Variants in ANO5 observed in about 807,000 individuals in gnomAD.
ANO5 encodes anoctamin-5.
In ANO5, 109 loss-of-function variants were observed where a neutral mutation model predicts 121.0. That is an observed-to-expected ratio of 0.90 (90% CI 0.77 to 1.06). The LOEUF (loss-of-function observed/expected upper bound fraction) is 1.06. Ranked by LOEUF, ANO5 falls within the 50% of genes least tolerant of loss-of-function variation. ANO5 has a pLI of 0.00. For synonymous variants in ANO5, 406 were observed against 359.9 expected (o/e 1.13, Z -1.45); for missense variants, 1,064 against 1,078.5 (o/e 0.99, Z 0.19).
chr11:22,257,578 G>A (rs902950003), intron 13 of ANO5, 102 bp from the exon 14 acceptor site: 4 of 945,730 alleles, frequency 4.2e-6, no homozygotes, highest in Non-Finnish European at 5.1e-6. Flanking sequence ...GCCCTTTTGG[G>A]AGACTCCTAC....
chr11:22,237,268 TC>T (rs1477089735), intron 8 of ANO5, among the ~76,000 whole-genome samples: 1 of 152,134 alleles, frequency 6.6e-6, no homozygotes, highest in East Asian at 1.9e-4. Context: ...GCTAAATAAT[TC>T]CCCATTTTTT....
chr11:22,199,716 C>T (rs1057135019), intron 1 of ANO5, among the ~76,000 whole-genome samples: 3 of 152,030 alleles, frequency 2.0e-5, no homozygotes, highest in Non-Finnish European at 4.4e-5. Context: ...TAGGTATTCT[C>T]GTATCTGCAT....
Position 22,239,621 on chromosome 11 carries a change from C to G in ANO5, c.815C>G (p.Thr272Arg), listed in dbSNP as rs1445016238. 1.2e-6 allele frequency: 2 copies of G among 1,613,010 alleles called. No homozygotes were observed. The highest frequency in any genetic ancestry group is 2.2e-5 in the South Asian group (2 of 91,078). ...EPPNPTNERYTLHQNWARFSY... is the reference protein window; with the variant it reads ...EPPNPTNERYRLHQNWARFSY... ...CCCAATCCTACCAATGAAAGATACACACTTCACCAGAATTGGGCTCGATTT... is the reference window on the plus strand; with the variant it reads ...CCCAATCCTACCAATGAAAGATACAGACTTCACCAGAATTGGGCTCGATTT... Residue 272 changes from threonine (T) to arginine (R), a missense_variant, in exon 9 of 22, where the codon ACA becomes AGA. Transcript: ENST00000324559.
At chr11:22,272,711 C>A in intron 18 of ANO5, 73 bp from the exon 19 acceptor site, 3 of 1,383,084 alleles carry the variant, frequency 2.2e-6, no homozygotes, top group Non-Finnish European at 3.1e-6. Context: ...AAGGAAGTAG[C>A]AGGATTTGGG....
intron 3 of ANO5, among the ~76,000 whole-genome samples, chr11:22,212,464 G>A (rs75694215): frequency 0.061 from 9,200 of 151,726 alleles, 921 homozygotes; most frequent in African/African-American, 0.21. Flanking sequence ...TTATTTTTCT[G>A]CATGGAATTC....
At chr11:22,264,306 T>TA (rs935680284) in intron 17 of ANO5, among the ~76,000 whole-genome samples, 1 of 152,012 alleles carries the variant, frequency 6.6e-6, no homozygotes, top group African/African-American at 2.4e-5. Flanking sequence ...ATTACAGGCG[T>TA]AAGCCACCAT....
chr11:22,279,528 T>G lies in ANO5; in HGVS notation c.2521-16T>G, dbSNP rs752000476. ...ACCTCTAACAGCGTCTAATCTTTCC[T>G]TTATATTTCCTCTAGCATGTTGTGT... On this transcript the variant is annotated splice_polypyrimidine_tract_variant and intron_variant, in intron 21 of 21. Coordinates refer to ENST00000324559, the MANE Select transcript of ANO5 (RefSeq NM_213599.3). 8 of 1,597,202 alleles carry G rather than the reference T, an allele frequency of 5.0e-6. No homozygotes were observed. The Admixed American group carries it at 5.0e-5, about 10-fold the overall frequency.
chr11:22,229,670 G>T (rs75879991), intron 7 of ANO5, among the ~76,000 whole-genome samples: 8 of 152,072 alleles, frequency 5.3e-5, no homozygotes, highest in African/African-American at 1.9e-4. Context: ...TTCATAAAAA[G>T]CCAGTGAACT....
At chr11:22,200,882 G>T (rs1426146087) in intron 1 of ANO5, among the ~76,000 whole-genome samples, 4 of 152,086 alleles carry the variant, frequency 2.6e-5, no homozygotes, top group Non-Finnish European at 1.5e-5. Flanking sequence ...GAAGTTGTAT[G>T]GGTGTGTTTT....
intron 1 of ANO5, among the ~76,000 whole-genome samples, chr11:22,194,940 G>A (rs993050004): frequency 9.2e-5 from 14 of 152,008 alleles, no homozygotes; most frequent in Non-Finnish European, 1.5e-5. Flanking sequence ...TATTTTCCTC[G>A]GGTATATATC....
intron 21 of ANO5, among the ~76,000 whole-genome samples, chr11:22,276,731 A>G (rs1854866981): frequency 1.3e-5 from 2 of 150,718 alleles, no homozygotes; most frequent in Admixed American, 1.3e-4. Flanking sequence ...TTATAGAGAT[A>G]AGGCCTGCAA....
Position 22,263,079 on chromosome 11 carries a change from G to T in ANO5, c.1898+36G>T, listed in dbSNP as rs550483182. On this transcript the variant is annotated intron_variant, in intron 17 of 21. Transcript: ENST00000324559. ...CTTACAAGCTTTTTATTTGATTTAA[G>T]TAACCATGAGATATTTCCTCTAGAA... is the stretch of plus-strand genomic sequence containing the variant. 3.3e-6 allele frequency: 5 copies of T among 1,511,046 alleles called. 1 individual carries two copies. The Admixed American group carries it at 8.4e-5, about 25-fold the overall frequency. The allele number at this position is 1,511,046 out of a possible 1,614,324, so 93.6% of individuals were successfully genotyped here.
intron 7 of ANO5, among the ~76,000 whole-genome samples, chr11:22,234,660 T>C (rs1217197146): frequency 6.6e-6 from 1 of 152,128 alleles, no homozygotes; most frequent in Non-Finnish European, 1.5e-5. Context: ...AAAAAGGAGG[T>C]GGGGCAAGTC....
At chr11:22,210,313 C>T (rs1021841246) in intron 2 of ANO5, among the ~76,000 whole-genome samples, 7 of 151,884 alleles carry the variant, frequency 4.6e-5, no homozygotes, top group Non-Finnish European at 1.5e-5. Context: ...AGAGAAATTA[C>T]TGCTTTTGTG....
intron 17 of ANO5, among the ~76,000 whole-genome samples, chr11:22,264,656 A>G (rs1046337482): frequency 2.6e-5 from 4 of 152,146 alleles, no homozygotes; most frequent in Non-Finnish European, 5.9e-5. Context: ...AAAAGCCCTT[A>G]AAAAATGATG....
At chr11:22,277,734 CTT>C (rs1854919702) in intron 21 of ANO5, 1 of 151,356 alleles carries the variant, frequency 6.6e-6, no homozygotes, top group Admixed American at 6.6e-5. Context: ...TTCCGGAATT[CTT>C]TTGTTTTAAT....
intron 17 of ANO5, among the ~76,000 whole-genome samples, chr11:22,268,844 C>T (rs1854463899): frequency 3.3e-5 from 5 of 151,986 alleles, no homozygotes; most frequent in Admixed American, 2.6e-4. Context: ...AATGGGACCC[C>T]GTCATGTGGA....
At chr11:22,227,681 A>AC in intron 7 of ANO5, 95 bp downstream of exon 7, 1 of 1,486,416 alleles carries the variant, frequency 6.7e-7, no homozygotes, top group Non-Finnish European at 9.3e-7. Flanking sequence ...CCATTTCTGC[A>AC]AGGTGCTTCT....
chr11:22,236,449 T>C (rs911253914), intron 8 of ANO5, among the ~76,000 whole-genome samples, 173 bp downstream of exon 8: 2 of 152,214 alleles, frequency 1.3e-5, no homozygotes, highest in Admixed American at 6.5e-5. Flanking sequence ...CTGAGATATA[T>C]AGTAAATGTA....
Sources: gnomAD v4.1 joint callset for allele counts (sites outside exome capture counted in the v4.1 genomes callset) on GRCh38, gnomAD v4.1.1 for gene constraint, MANE v1.5 for transcripts, NCBI Gene and HGNC (gene_info 2026-07-23, HGNC 2026-07-21) for gene names.